CBFA2T3: variants seen among roughly 807,000 people sequenced by gnomAD.
CBFA2T3 encodes the protein transcriptional corepressor CBFA2T3.
A neutral mutation model predicts 58.6 loss-of-function variants in CBFA2T3; 31 were observed. That is an observed-to-expected ratio of 0.53 (90% CI 0.40 to 0.71). CBFA2T3 has a LOEUF of 0.71. Ranked by LOEUF, CBFA2T3 falls within the 30% of genes least tolerant of loss-of-function variation. The probability of loss-of-function intolerance (pLI) is 0.00; values close to 1 mark genes in which losing one functional copy is unlikely to be tolerated. For missense variants in CBFA2T3, 1,076 were observed against 963.1 expected (o/e 1.12, Z -1.55); for synonymous variants, 531 against 421.9 (o/e 1.26, Z -3.17).
intron 1 of CBFA2T3, among the ~76,000 whole-genome samples, chr16:88,919,072 T>C (rs894329006): frequency 6.6e-6 from 1 of 152,246 alleles, no homozygotes; most frequent in African/African-American, 2.4e-5. Flanking sequence ...ATGTTTATAC[T>C]GGTCGAAGCA....
At position 88,880,610 on chromosome 16, in the gene CBFA2T3, T is replaced by C. The variant is rs1393335600; in HGVS notation, c.1471+110A>G. The C allele has an allele frequency of 3.3e-6, 3 of 907,720 alleles. No individual in the cohort carries two copies. In the African/African-American group the frequency reaches 5.0e-5, roughly 15 times the overall value. The allele number at this position is 907,720 out of a possible 1,614,324, so 56.2% of individuals were successfully genotyped here. On this transcript the variant is annotated intron_variant, in intron 10 of 11. Transcript: ENST00000268679. ...GCGGAATGCAGAAAGCCTTGTAGCC[T>C]GAGCCCCCAGAGAGAGACAGAAGCT... is the stretch of plus-strand genomic sequence containing the variant.
At chr16:88,881,579 G>A (rs1374615111) in intron 8 of CBFA2T3, 90 bp from the exon 9 acceptor site, 35 of 1,365,706 alleles carry the variant, frequency 2.6e-5, no homozygotes, top group South Asian at 6.6e-5. Flanking sequence ...GCCCCGGACA[G>A]GATGGGTGCC....
intron 1 of CBFA2T3, among the ~76,000 whole-genome samples, chr16:88,957,244 G>T (rs1972241470): frequency 6.6e-6 from 1 of 152,192 alleles, no homozygotes; most frequent in African/African-American, 2.4e-5. Flanking sequence ...TAACCTCACA[G>T]TCTGGACAGC....
At chr16:88,892,558 G>C (rs1567585784) in intron 3 of CBFA2T3, 73 bp from the exon 4 acceptor site, 2 of 1,527,830 alleles carry the variant, frequency 1.3e-6, no homozygotes, top group Non-Finnish European at 9.0e-7. Flanking sequence ...GCGACAGTGA[G>C]GGAAGCAGCG....
chr16:88,946,779 C>G, intron 1 of CBFA2T3, among the ~76,000 whole-genome samples: 1 of 151,912 alleles, frequency 6.6e-6, no homozygotes, highest in African/African-American at 2.4e-5. Flanking sequence ...CTGCTTCTGG[C>G]TGAGTTTTTT....
Position 88,885,935 on chromosome 16 carries a change from C to T in CBFA2T3, c.893+26G>A, listed in dbSNP as rs1184595899. Reference sequence around the variant, plus strand: ...AGCCGCGTGTCCACGGCACCCCCAGCCCAGATCCCCGGAGCCCACAGGTAC... The same window carrying T: ...AGCCGCGTGTCCACGGCACCCCCAGTCCAGATCCCCGGAGCCCACAGGTAC... On this transcript the variant is annotated intron_variant, in intron 6 of 11. Coordinates refer to ENST00000268679, the MANE Select transcript of CBFA2T3 (RefSeq NM_005187.6). This position sits in a 1 kb window ranked among gnomAD's most constrained non-coding sequence, Gnocchi z 5.3. 1 of 1,543,696 alleles carries T rather than the reference C, an allele frequency of 6.5e-7. No homozygotes were observed. Among genetic ancestry groups the T allele is most frequent in the South Asian group, 1.2e-5 (1 of 83,858 alleles).
At chr16:88,899,331 T>G (rs1970011254) in intron 2 of CBFA2T3, among the ~76,000 whole-genome samples, 1 of 151,258 alleles carries the variant, frequency 6.6e-6, no homozygotes, top group Non-Finnish European at 1.5e-5. Flanking sequence ...TTGTGTGGAT[T>G]AGGGGATAAA....
intron 1 of CBFA2T3, among the ~76,000 whole-genome samples, chr16:88,918,057 C>T (rs576546254): frequency 1.3e-5 from 2 of 152,254 alleles, no homozygotes; most frequent in Admixed American, 1.3e-4. Flanking sequence ...CTTCCCGCCA[C>T]GTCCTGTGAG....
chr16:88,956,850 T>C (rs1168915781), intron 1 of CBFA2T3, among the ~76,000 whole-genome samples: 3 of 152,210 alleles, frequency 2.0e-5, no homozygotes, highest in Non-Finnish European at 4.4e-5. Flanking sequence ...CACAGGGGCC[T>C]GCAGCAGCTG....
chr16:88,954,359 T>TCACCCAAGGCTCCTGACCC (rs1972154663), intron 1 of CBFA2T3, among the ~76,000 whole-genome samples: 8 of 61,242 alleles, frequency 1.3e-4, no homozygotes, highest in African/African-American at 2.0e-4. Context: ...GCTCCTGACC[T>TCACCCAAGGCTCCTGACCC]CACCCAAGGC....
At chr16:88,972,034 G>C (rs963467314) in intron 1 of CBFA2T3, among the ~76,000 whole-genome samples, 1 of 152,248 alleles carries the variant, frequency 6.6e-6, no homozygotes, top group Non-Finnish European at 1.5e-5. Context: ...AGCTGGCCCG[G>C]ATTGCACCCT....
rs1005981051 is a variant in CBFA2T3, at chr16:88,921,717, T to C, written c.152-20061A>G. ...ACAGGACCCCTGGGAATTAGGATCC[T>C]GTCAGCTGCCATTTCCTGAGCCGTA... is the stretch of plus-strand genomic sequence containing the variant. On this transcript the variant is annotated intron_variant, in intron 1 of 11. Coordinates refer to ENST00000268679, the MANE Select transcript of CBFA2T3 (RefSeq NM_005187.6). Among the ~76,000 whole-genome samples, 17 of 152,334 alleles carry C rather than the reference T, an allele frequency of 1.1e-4. No homozygotes were observed. In the South Asian group the frequency reaches 1.9e-3, roughly 17 times the overall value.
intron 1 of CBFA2T3, among the ~76,000 whole-genome samples, chr16:88,960,788 G>A (rs1199886552): frequency 6.6e-5 from 10 of 152,198 alleles, no homozygotes; most frequent in South Asian, 6.2e-4. Context: ...TTACACCCCC[G>A]TTAGGTTTTC....
intron 1 of CBFA2T3, among the ~76,000 whole-genome samples, chr16:88,909,041 T>C (rs768733719): frequency 3.3e-5 from 5 of 152,152 alleles, no homozygotes; most frequent in African/African-American, 4.8e-5. Context: ...CTGCCCTTCC[T>C]GGAGCTGACC....
intron 1 of CBFA2T3, 121 bp from the exon 2 acceptor site, chr16:88,901,777 G>A: frequency 2.4e-6 from 2 of 848,260 alleles, no homozygotes; most frequent in Non-Finnish European, 3.4e-6. Context: ...GGGGCAGTCT[G>A]CCCCAGGTGT....
intron 1 of CBFA2T3, chr16:88,950,488 G>C (rs754308573): frequency 2.5e-6 from 1 of 396,550 alleles, no homozygotes; most frequent in African/African-American, 2.9e-5. Flanking sequence ...GACCGGCACC[G>C]CCACAGAGGG....
chr16:88,922,228 A>G (rs570118893), intron 1 of CBFA2T3, among the ~76,000 whole-genome samples: 37 of 151,390 alleles, frequency 2.4e-4, no homozygotes, highest in African/African-American at 9.1e-4. Flanking sequence ...CAGCCCCCAC[A>G]GAAACTGTTC....
At position 88,898,458 on chromosome 16, in the gene CBFA2T3, G is replaced by A. The variant is rs568131726; in HGVS notation, c.305-306C>T. Among the ~76,000 whole-genome samples the A allele has an allele frequency of 6.6e-5, 10 of 152,294 alleles. 1 individual carries two copies. In the South Asian group the frequency reaches 1.0e-3, roughly 16 times the overall value. On this transcript the variant is annotated intron_variant, in intron 2 of 11. Coordinates refer to ENST00000268679, the MANE Select transcript of CBFA2T3 (RefSeq NM_005187.6). ...CTGGGGCCAGGCCACTCCCCTCTCC[G>A]AGCCTCAGTTTCCTTCTCTGAGAGT...
Position 88,952,342 on chromosome 16 carries a change from C to T in CBFA2T3, c.151+24315G>A, listed in dbSNP as rs568811606. Among the ~76,000 whole-genome samples the T allele has an allele frequency of 2.8e-4, 43 of 152,032 alleles. 1 individual carries two copies. The highest frequency in any genetic ancestry group is 9.4e-4 in the African/African-American group (39 of 41,492). On this transcript the variant is annotated intron_variant, in intron 1 of 11. Coordinates refer to ENST00000268679, the MANE Select transcript of CBFA2T3 (RefSeq NM_005187.6). ...GTCCTTCTCCCGTGGGGCACTGAGA[C>T]GGCTTTCAGCAAGACAAATGCCCAG...
Sources: gnomAD v4.1 joint callset for allele counts (sites outside exome capture counted in the v4.1 genomes callset) on GRCh38, gnomAD v4.1.1 for gene constraint, Gnocchi (gnomAD v3.1) non-coding constraint, MANE v1.5 for transcripts, NCBI Gene and HGNC (gene_info 2026-07-23, HGNC 2026-07-21) for gene names.